Variants in DSCAM observed in about 807,000 individuals in gnomAD.
The protein encoded by DSCAM is cell adhesion molecule DSCAM.
In DSCAM, 47 loss-of-function variants were observed where a neutral mutation model predicts 217.7. The ratio of observed to expected loss-of-function variants is 0.22; its 90% CI spans 0.17 to 0.28. The LOEUF (loss-of-function observed/expected upper bound fraction) is 0.28, where lower values mean the gene tolerates loss of function less well. DSCAM is among the 10% of genes least tolerant of loss of function. The pLI is 1.00. For missense variants in DSCAM, 2,080 were observed against 2,618.3 expected, an observed-to-expected ratio of 0.79 and a Z score of 4.49; for synonymous variants, 1,056 against 1,015.3, an observed-to-expected ratio of 1.04 and a Z score of -0.76.
At chr21:40,783,274 G>A (rs558663635) in intron 1 of DSCAM, among the ~76,000 whole-genome samples, 21 of 152,240 alleles carry the variant, frequency 1.4e-4, no homozygotes, top group African/African-American at 4.6e-4. Context: ...GATGAGGTGC[G>A]GGCACAGCTC....
intron 3 of DSCAM, among the ~76,000 whole-genome samples, chr21:40,465,077 G>A (rs533048304): frequency 6.6e-5 from 10 of 152,138 alleles, no homozygotes; most frequent in Admixed American, 1.3e-4. Context: ...AATTGTTTTC[G>A]TCTGTTTAAA....
At chr21:40,158,398 CAAAAACAAAAACAA>C (rs1199091263) in intron 16 of DSCAM, among the ~76,000 whole-genome samples, 1 of 151,200 alleles carries the variant, frequency 6.6e-6, no homozygotes, top group Non-Finnish European at 1.5e-5. Flanking sequence ...TGTCTCAAAA[CAAAAACAAAAACAA>C]AAAAACAAAA....
intron 9 of DSCAM, among the ~76,000 whole-genome samples, chr21:40,306,410 T>C (rs1023775062): frequency 1.7e-4 from 26 of 151,144 alleles, no homozygotes; most frequent in African/African-American, 6.4e-4. Flanking sequence ...GGACTTCCTC[T>C]TTTCCTAATT....
chr21:40,617,919 G>A (rs992130089), intron 3 of DSCAM, among the ~76,000 whole-genome samples: 2 of 152,196 alleles, frequency 1.3e-5, no homozygotes, highest in African/African-American at 2.4e-5. Flanking sequence ...GTGTTCCAAC[G>A]CGAAGCAGGC....
chr21:40,182,373 C>T (rs1261845571), intron 14 of DSCAM, among the ~76,000 whole-genome samples: 1 of 152,012 alleles, frequency 6.6e-6, no homozygotes. Flanking sequence ...TGTGCACCTT[C>T]TGTGTCAGAG....
rs988386488 is a variant in DSCAM, at chr21:40,312,223, G to T, written c.1920C>A (p.Ser640Arg). 1 of 1,613,942 alleles carries T rather than the reference G, an allele frequency of 6.2e-7. No individual in the cohort carries two copies. ...WQKDGRPIPG[S>R]LGVTIDNIDF... ...CAATATTGTCAATGGTCACCCCAAG[G>T]CTCCCAGGGATTGGCCGGCCATCCT... The change falls in exon 9 of 33, where the codon AGC becomes AGA. Residue 640 changes from serine (S) to arginine (R), a missense_variant. Physicochemically the swap from Ser to Arg is moderately radical, Grantham distance 110. Around this residue, in one of 5 missense-constraint regions of DSCAM, gnomAD observed 218 missense variants for 364.1 expected, o/e 0.60. Coordinates refer to ENST00000400454, the MANE Select transcript of DSCAM (RefSeq NM_001389.5).
intron 15 of DSCAM, among the ~76,000 whole-genome samples, chr21:40,171,508 G>A (rs2090657590): frequency 6.6e-6 from 1 of 151,164 alleles, no homozygotes; most frequent in Non-Finnish European, 1.5e-5. Context: ...GCCATGATTT[G>A]TCAGTAATGT....
chr21:40,608,951 T>TATTA (rs535236639), intron 3 of DSCAM, among the ~76,000 whole-genome samples: 90 of 152,218 alleles, frequency 5.9e-4, no homozygotes, highest in Non-Finnish European at 1.0e-3. Flanking sequence ...TTCAGATTGT[T>TATTA]ATTAATTAAT....
intron 3 of DSCAM, among the ~76,000 whole-genome samples, chr21:40,387,162 C>T (rs2050866347): frequency 6.6e-6 from 1 of 152,082 alleles, no homozygotes; most frequent in South Asian, 2.1e-4. Context: ...GCCCTCTGGG[C>T]TCTATAAAGG....
At chr21:40,831,717 A>G (rs1406881222) in intron 1 of DSCAM, among the ~76,000 whole-genome samples, 3 of 152,204 alleles carry the variant, frequency 2.0e-5, no homozygotes, top group African/African-American at 7.2e-5. Context: ...CTGGTCTCCA[A>G]TTTTACTCTT....
chr21:40,337,973 T>G, intron 8 of DSCAM, 128 bp downstream of exon 8: 2 of 1,181,404 alleles, frequency 1.7e-6, no homozygotes, highest in Non-Finnish European at 1.2e-6. Flanking sequence ...TTCCCTGTCA[T>G]TCTTCAGCCT....
intron 3 of DSCAM, among the ~76,000 whole-genome samples, chr21:40,371,593 A>T (rs2074899587): frequency 6.6e-6 from 1 of 152,220 alleles, no homozygotes; most frequent in Admixed American, 6.5e-5. Context: ...CTGCATTATT[A>T]CTGATTCCAG....
chr21:40,106,439 G>A (rs2089821950), intron 20 of DSCAM, among the ~76,000 whole-genome samples: 1 of 151,922 alleles, frequency 6.6e-6, no homozygotes, highest in East Asian at 1.9e-4. Context: ...TTTCTTTTTT[G>A]TCATATCTCT....
chr21:40,242,427 C>A (rs138774588), intron 11 of DSCAM, among the ~76,000 whole-genome samples: 1 of 152,100 alleles, frequency 6.6e-6, no homozygotes, highest in Non-Finnish European at 1.5e-5. Flanking sequence ...ATCTTCCAAC[C>A]AATGAGCTGT....
In DSCAM at chr21:40,139,409, A is replaced by G. The variant is rs1054954461; in HGVS notation, c.3406+3149T>C. 5.3e-5 allele frequency among the ~76,000 whole-genome samples: 8 copies of G among 152,126 alleles called. No individual in the cohort carries two copies. The East Asian group carries it at 7.7e-4, about 15-fold the overall frequency. Reference sequence around the variant, plus strand: ...GGCAGGACAACCTGAAGCAAAGGCAAGAAGACAGGAAGCGGGGAGGGGACT... The same window carrying G: ...GGCAGGACAACCTGAAGCAAAGGCAGGAAGACAGGAAGCGGGGAGGGGACT... On this transcript the variant is annotated intron_variant, in intron 18 of 32. Transcript: ENST00000400454.
intron 1 of DSCAM, among the ~76,000 whole-genome samples, chr21:40,738,027 T>G (rs1364134956): frequency 6.6e-6 from 1 of 152,206 alleles, no homozygotes; most frequent in East Asian, 1.9e-4. Context: ...ATGCTGTGGC[T>G]CCTACTAGTG....
chr21:40,811,405 CT>C (rs1389741543), intron 1 of DSCAM, among the ~76,000 whole-genome samples: 7 of 152,340 alleles, frequency 4.6e-5, no homozygotes, highest in Admixed American at 1.3e-4. Context: ...ACCTGATAAC[CT>C]ACCAAATACT....
chr21:40,425,929 T>A (rs765823044), intron 3 of DSCAM, among the ~76,000 whole-genome samples: 8 of 152,198 alleles, frequency 5.3e-5, no homozygotes, highest in Admixed American at 6.5e-5. Context: ...TATCTATATA[T>A]AATATCCTTT....
intron 3 of DSCAM, among the ~76,000 whole-genome samples, chr21:40,572,746 G>A (rs949116876): frequency 2.6e-5 from 4 of 152,254 alleles, no homozygotes; most frequent in African/African-American, 7.2e-5. Context: ...GATTCAAAAT[G>A]CATGATACAA....
Sources: allele counts gnomAD v4.1 joint callset (sites outside exome capture counted in the v4.1 genomes callset), GRCh38; gene constraint gnomAD v4.1.1; regional missense constraint gnomAD v4.1.1; transcripts MANE v1.5; gene names NCBI Gene and HGNC (gene_info 2026-07-23, HGNC 2026-07-21).